The following VPS13B variants were observed in gnomAD, a reference collection of about 807,000 sequenced individuals.
VPS13B encodes the protein vacuolar protein sorting 13 homolog B.
Under a neutral mutation model 426.4 loss-of-function variants are expected in VPS13B, and 285 were observed. The observed-to-expected ratio is 0.67, with a 90% confidence interval of 0.61 to 0.74. VPS13B has a LOEUF of 0.74. Ranked by LOEUF, VPS13B falls within the 30% of genes least tolerant of loss-of-function variation. The probability of loss-of-function intolerance (pLI) is 0.00; values close to 1 mark genes in which losing one functional copy is unlikely to be tolerated. For missense variants in VPS13B, 4,537 were observed against 4,782.6 expected (o/e 0.95, Z 1.51); for synonymous variants, 1,676 against 1,676.4 (o/e 1.00, Z 0.01).
intron 19 of VPS13B, among the ~76,000 whole-genome samples, chr8:99,317,988 G>A (rs576400934): frequency 4.1e-4 from 62 of 152,126 alleles, no homozygotes; most frequent in African/African-American, 1.5e-3. Context: ...TTTTTGGGGG[G>A]TTAGGAACAT....
chr8:99,757,008 A>C (rs1475104446), intron 39 of VPS13B, among the ~76,000 whole-genome samples: 1 of 152,196 alleles, frequency 6.6e-6, no homozygotes, highest in Non-Finnish European at 1.5e-5. Flanking sequence ...CCTCCCTGAA[A>C]TAATGTGTAA....
intron 59 of VPS13B, among the ~76,000 whole-genome samples, chr8:99,869,281 T>C (rs2130966536): frequency 6.6e-6 from 1 of 152,282 alleles, no homozygotes; most frequent in African/African-American, 2.4e-5. Flanking sequence ...GTGAGCACAC[T>C]GTGTCTGCAT....
intron 33 of VPS13B, among the ~76,000 whole-genome samples, chr8:99,580,133 A>G (rs1298721645): frequency 2.0e-5 from 3 of 151,880 alleles, no homozygotes; most frequent in Non-Finnish European, 2.9e-5. Context: ...AACAACTACT[A>G]TTTCATAGGA....
chr8:99,155,932 C>T (rs34211616), intron 14 of VPS13B, among the ~76,000 whole-genome samples: 26,915 of 152,052 alleles, frequency 0.18, 2,876 homozygotes, highest in East Asian at 0.38. Flanking sequence ...AGGGTACATA[C>T]GCTGGACATC....
chr8:99,621,535 T>G (rs1307751520), intron 33 of VPS13B, among the ~76,000 whole-genome samples: 1 of 152,220 alleles, frequency 6.6e-6, no homozygotes, highest in African/African-American at 2.4e-5. Flanking sequence ...CACTCTTCAC[T>G]GCTTAATTGC....
At chr8:99,624,007 ATTTTTTTT>A (rs1165382455) in intron 33 of VPS13B, among the ~76,000 whole-genome samples, 1 of 101,098 alleles carries the variant, frequency 9.9e-6, no homozygotes, top group Non-Finnish European at 1.9e-5. Context: ...ATATATATAT[ATTTTTTTT>A]TTTTTTTTTT....
intron 30 of VPS13B, among the ~76,000 whole-genome samples, chr8:99,548,084 G>A (rs370544013): frequency 1.3e-5 from 2 of 151,944 alleles, no homozygotes; most frequent in African/African-American, 4.8e-5. Context: ...TTAACATTAG[G>A]CATTCTGGTC....
chr8:99,529,915 C>A (rs1822842701), intron 30 of VPS13B, among the ~76,000 whole-genome samples: 1 of 152,130 alleles, frequency 6.6e-6, no homozygotes, highest in Admixed American at 6.5e-5. Flanking sequence ...TAAATATTAC[C>A]ACTAGTTGCT....
intron 19 of VPS13B, among the ~76,000 whole-genome samples, chr8:99,300,879 A>T (rs1380443783): frequency 1.4e-5 from 2 of 140,320 alleles, no homozygotes; most frequent in Non-Finnish European, 3.1e-5. Context: ...TATTTAATAT[A>T]GTTTTTTTTT....
chr8:99,258,636 C>A (rs967038014), intron 17 of VPS13B, among the ~76,000 whole-genome samples: 5 of 152,006 alleles, frequency 3.3e-5, no homozygotes, highest in Non-Finnish European at 7.4e-5. Context: ...ATAACTACTT[C>A]ATGTAATTAA....
At position 99,876,079 on chromosome 8, in the gene VPS13B, GTAATTAATTTGGGTC is replaced by G. The variant is rs1489413809; in HGVS notation, c.*416_*430del. 1.0e-5 allele frequency: 2 copies of G among 197,886 alleles called. No homozygotes were observed. Among genetic ancestry groups the G allele is most frequent in the Admixed American group, 1.2e-4 (2 of 16,142 alleles). 12.3% of individuals were successfully genotyped at this position (197,886 alleles called of 1,614,324 possible). Reference sequence around the variant, plus strand: ...TATGACACTTGCAAAAATCTCTACTGTAATTAATTTGGGTCTATTATTAACTCTCTGTTCCATCAT... The same window carrying G: ...TATGACACTTGCAAAAATCTCTACTGTATTATTAACTCTCTGTTCCATCAT... On this transcript the variant is annotated 3_prime_UTR_variant, in exon 62 of 62. Coordinates refer to ENST00000357162, the MANE Select transcript of VPS13B (RefSeq NM_152564.5).
At chr8:99,170,578 A>G (rs1011098526) in intron 16 of VPS13B, among the ~76,000 whole-genome samples, 7 of 151,896 alleles carry the variant, frequency 4.6e-5, no homozygotes, top group Non-Finnish European at 2.9e-5. Flanking sequence ...AAAAGTATAC[A>G]CATTATGTAG....
At position 99,134,838 on chromosome 8, in the gene VPS13B, T is replaced by C. The variant is rs1008525973; in HGVS notation, c.1302+111T>C. ...TTTAAAAATACAAGTAAGATGTTTG[T>C]TTCTTATTTTAATAGAGTTTACTAT... On this transcript the variant is annotated intron_variant, in intron 9 of 61. Coordinates refer to ENST00000357162, the MANE Select transcript of VPS13B (RefSeq NM_152564.5). 8 of 1,192,970 alleles carry C rather than the reference T, an allele frequency of 6.7e-6. No individual in the cohort carries two copies. The African/African-American group carries it at 1.1e-4, about 16-fold the overall frequency. 73.9% of individuals were successfully genotyped at this position (1,192,970 alleles called of 1,614,324 possible). A position where few individuals can be genotyped will look rare whatever the true frequency, so the allele number is the denominator to read the frequency against.
rs528490868 is a variant in VPS13B, at chr8:99,516,787, C to CAAAAA, written c.4634-4085_4634-4081dup. 1.4e-3 allele frequency among the ~76,000 whole-genome samples: 23 copies of CAAAAA among 16,708 alleles called. 6 individuals are homozygous for CAAAAA. The highest frequency in any genetic ancestry group is 3.0e-3 in the Admixed American group (4 of 1,346). 11.0% of individuals were successfully genotyped at this position (16,708 alleles called of 152,430 possible). Reference sequence around the variant, plus strand: ...TGGGTGACAGGAGGAGACCGTGTCTCAAAAAAAAAAAAAAAAAAAAAAAAA... The same window carrying CAAAAA: ...TGGGTGACAGGAGGAGACCGTGTCTCAAAAAAAAAAAAAAAAAAAAAAAAAAAAAA... On this transcript the variant is annotated intron_variant, in intron 29 of 61. Transcript: ENST00000357162.
chr8:99,466,249 TATGA>T (rs538519930), intron 23 of VPS13B, among the ~76,000 whole-genome samples: 88 of 152,200 alleles, frequency 5.8e-4, no homozygotes, highest in African/African-American at 2.1e-3. Flanking sequence ...GAAGGTAAAT[TATGA>T]ATGGTTTTGA....
intron 28 of VPS13B, among the ~76,000 whole-genome samples, chr8:99,508,147 A>T (rs1821596320): frequency 1.3e-5 from 2 of 152,210 alleles, no homozygotes; most frequent in Admixed American, 6.5e-5. Flanking sequence ...TCAAAGTAGG[A>T]CATTCATTAT....
intron 21 of VPS13B, among the ~76,000 whole-genome samples, chr8:99,412,046 C>T (rs138658630): frequency 0.015 from 2,334 of 152,172 alleles, 32 homozygotes; most frequent in Middle Eastern, 0.041. Context: ...TTTTGCAGTT[C>T]CATATGAAAT....
At chr8:99,577,887 A>G (rs1825851436) in intron 33 of VPS13B, 4 of 467,186 alleles carry the variant, frequency 8.6e-6, no homozygotes, top group Admixed American at 3.5e-5. Flanking sequence ...TGTTATATAC[A>G]TAACTTTATT....
intron 19 of VPS13B, among the ~76,000 whole-genome samples, chr8:99,345,156 T>A (rs1811470679): frequency 6.6e-6 from 1 of 152,206 alleles, no homozygotes; most frequent in Non-Finnish European, 1.5e-5. Context: ...TAGTATGCAA[T>A]GCTAGGTATG....
Sources: allele counts gnomAD v4.1 joint callset (sites outside exome capture counted in the v4.1 genomes callset), GRCh38; gene constraint gnomAD v4.1.1; transcripts MANE v1.5; gene names NCBI Gene and HGNC (gene_info 2026-07-23, HGNC 2026-07-21).